Variants in YEATS2 observed in about 807,000 individuals in gnomAD.
YEATS2 encodes the protein YEATS domain containing 2, also known as YEATS domain-containing protein 2.
In YEATS2, 77 loss-of-function variants were observed where a neutral mutation model predicts 163.2. The ratio of observed to expected loss-of-function variants is 0.47; its 90% CI spans 0.39 to 0.57. The LOEUF is 0.57. Among genes scored for constraint, YEATS2 ranks in the 20% least tolerant of loss-of-function variants. The probability of loss-of-function intolerance (pLI) is 0.00; values close to 1 mark genes in which losing one functional copy is unlikely to be tolerated. For synonymous variants in YEATS2, 631 were observed against 645.1 expected, an observed-to-expected ratio of 0.98 and a Z score of 0.33; for missense variants, 1,549 against 1,729.8, an observed-to-expected ratio of 0.90 and a Z score of 1.85.
At chr3:183,744,129 T>C (rs1719268641) in intron 8 of YEATS2, among the ~76,000 whole-genome samples, 1 of 81,898 alleles carries the variant, frequency 1.2e-5, no homozygotes, top group South Asian at 4.3e-4. Flanking sequence ...TTTTTTTTTT[T>C]TGAGACAGAA....
In YEATS2 at chr3:183,756,654, C is replaced by A; in HGVS notation, c.1517C>A (p.Pro506Gln). The A allele has an allele frequency of 6.3e-7, 1 of 1,591,836 alleles. No individual in the cohort carries two copies. Among genetic ancestry groups the A allele is most frequent in the Admixed American group, 1.8e-5 (1 of 57,050 alleles). The change falls in exon 12 of 31, where the codon CCG (proline) becomes CAG (glutamine). Residue 506 changes from proline to glutamine, a missense_variant. By Grantham distance (76) the Pro-to-Gln change is moderately conservative. Transcript: ENST00000305135. Reference sequence around the variant, plus strand: ...CCTTATGTTATCATGGACAAGCAGCCGGGGCAGGTGATTGGAGCCACCACT... The same window carrying A: ...CCTTATGTTATCATGGACAAGCAGCAGGGGCAGGTGATTGGAGCCACCACT... ...NNPYVIMDKQ[P>Q]GQVIGATTPS...
chr3:183,707,130 A>G (rs1267983738), intron 1 of YEATS2, among the ~76,000 whole-genome samples: 4 of 152,214 alleles, frequency 2.6e-5, no homozygotes, highest in African/African-American at 9.6e-5. Context: ...CCAAAACAGT[A>G]TGAAATCTGA....
chr3:183,718,406 T>A (rs1716130802), intron 3 of YEATS2, 94 bp from the exon 4 acceptor site: 1 of 904,518 alleles, frequency 1.1e-6, no homozygotes, highest in Non-Finnish European at 1.6e-6. Context: ...AGCTTTTTTT[T>A]TTCACTCATT....
At position 183,746,407 on chromosome 3, in the gene YEATS2, G is replaced by A. The variant is rs151268833; in HGVS notation, c.925-1265G>A. 6.2e-3 allele frequency among the ~76,000 whole-genome samples: 937 copies of A among 152,238 alleles called. 4 individuals carry two copies. The highest frequency in any genetic ancestry group is 0.01 in the Middle Eastern group (3 of 294). On this transcript the variant is annotated intron_variant, in intron 8 of 30. Coordinates refer to ENST00000305135, the MANE Select transcript of YEATS2 (RefSeq NM_018023.5). ...GAATAAGGCTTTGTTTTATAAGAAC[G>A]CTAAAAATGTTTAATGATAGCCTTC...
intron 7 of YEATS2, among the ~76,000 whole-genome samples, chr3:183,733,856 T>TA (rs1431080889): frequency 6.6e-6 from 1 of 152,034 alleles, no homozygotes; most frequent in African/African-American, 2.4e-5. Context: ...TTTTTTTTTT[T>TA]AGGTACAAGA....
chr3:183,751,596 AG>A (rs1356149317), intron 9 of YEATS2, among the ~76,000 whole-genome samples: 1 of 152,128 alleles, frequency 6.6e-6, no homozygotes, highest in Non-Finnish European at 1.5e-5. Flanking sequence ...GAAAATGGGG[AG>A]GGTAGACAGT....
At chr3:183,734,649 G>C (rs1461374123) in intron 7 of YEATS2, among the ~76,000 whole-genome samples, 1 of 152,184 alleles carries the variant, frequency 6.6e-6, no homozygotes, top group African/African-American at 2.4e-5. Flanking sequence ...ACATGCAGGA[G>C]GTAGAAGAAG....
chr3:183,749,776 G>A (rs982316279), intron 9 of YEATS2, among the ~76,000 whole-genome samples: 7 of 151,972 alleles, frequency 4.6e-5, no homozygotes, highest in Admixed American at 3.9e-4. Context: ...GACTGTGGGC[G>A]TGTGCCACCA....
chr3:183,750,693 C>A (rs759477575), intron 9 of YEATS2, among the ~76,000 whole-genome samples: 1 of 152,124 alleles, frequency 6.6e-6, no homozygotes, highest in Non-Finnish European at 1.5e-5. Flanking sequence ...TGTTGAGGAT[C>A]CCTTCATGTG....
intron 1 of YEATS2, among the ~76,000 whole-genome samples, chr3:183,708,649 T>C (rs1221701149): frequency 6.6e-6 from 1 of 152,142 alleles, no homozygotes; most frequent in East Asian, 1.9e-4. Context: ...GAGGATCTCT[T>C]GAGGCCAGGA....
At chr3:183,786,825 G>C (rs1330508191) in intron 20 of YEATS2, among the ~76,000 whole-genome samples, 1 of 152,060 alleles carries the variant, frequency 6.6e-6, no homozygotes, top group Non-Finnish European at 1.5e-5. Flanking sequence ...ATGGGCACTT[G>C]GATTATTTTC....
intron 9 of YEATS2, among the ~76,000 whole-genome samples, chr3:183,749,813 G>T (rs937981159): frequency 6.6e-6 from 1 of 151,488 alleles, no homozygotes; most frequent in Non-Finnish European, 1.5e-5. Context: ...TTACTTACTC[G>T]TTTATTTATT....
chr3:183,769,007 G>T (rs1292672712), intron 15 of YEATS2, among the ~76,000 whole-genome samples: 2 of 152,146 alleles, frequency 1.3e-5, no homozygotes, highest in Non-Finnish European at 2.9e-5. Flanking sequence ...GTAGATGTGG[G>T]TAATAAGGGG....
At chr3:183,801,113 A>C (rs1356929626) in intron 24 of YEATS2, 1 of 190,176 alleles carries the variant, frequency 5.3e-6, no homozygotes, top group African/African-American at 2.3e-5. Context: ...CGTGAACTGT[A>C]ATAACCCTAA....
chr3:183,743,535 T>C (rs1577094706), intron 8 of YEATS2, among the ~76,000 whole-genome samples: 1 of 151,942 alleles, frequency 6.6e-6, no homozygotes, highest in South Asian at 2.1e-4. Context: ...AGATGGAGTT[T>C]TTTTTCCACT....
In YEATS2 at chr3:183,790,320, C is replaced by T. The variant is rs370853017; in HGVS notation, c.2914-477C>T. Among the ~76,000 whole-genome samples, 25 of 152,240 alleles carry T rather than the reference C, an allele frequency of 1.6e-4. 1 individual carries two copies. Among genetic ancestry groups the T allele is most frequent in the East Asian group, 5.8e-4 (3 of 5,176 alleles). On this transcript the variant is annotated intron_variant, in intron 20 of 30. Transcript: ENST00000305135. ...ATACTTAGGTGACTGTTTCCTTGGT[C>T]GCTTTTCTCTCAGAGCCTTAGCACT...
intron 2 of YEATS2, among the ~76,000 whole-genome samples, chr3:183,716,932 A>C: frequency 6.8e-6 from 1 of 146,988 alleles, no homozygotes; most frequent in South Asian, 2.1e-4. Context: ...TCGCTCTGTC[A>C]CCCGGGCTGG....
At chr3:183,757,436 G>T (rs1353232987) in intron 12 of YEATS2, among the ~76,000 whole-genome samples, 1 of 151,922 alleles carries the variant, frequency 6.6e-6, no homozygotes, top group Non-Finnish European at 1.5e-5. Flanking sequence ...AATTACAGGC[G>T]TGCACCACCA....
In YEATS2 at chr3:183,808,091, A is replaced by G; in HGVS notation, c.4073A>G (p.Asp1358Gly). The G allele has an allele frequency of 6.4e-7, 1 of 1,555,184 alleles. No individual in the cohort carries two copies. Among genetic ancestry groups the G allele is most frequent in the African/African-American group, 1.4e-5 (1 of 73,378 alleles). ...HRNVYASVVEDMILKATEQLV... is the reference protein window; with the variant it reads ...HRNVYASVVEGMILKATEQLV... ...AACGTGTATGCGTCCGTGGTGGAGGACATGATCCTGAAGGTGGGTGCCTGC... is the reference window on the plus strand; with the variant it reads ...AACGTGTATGCGTCCGTGGTGGAGGGCATGATCCTGAAGGTGGGTGCCTGC... Residue 1358 changes from aspartate to glycine, a missense_variant, in exon 29 of 31, where the codon GAC (aspartate) becomes GGC (glycine). Transcript: ENST00000305135.
Sources: allele counts gnomAD v4.1 joint callset (sites outside exome capture counted in the v4.1 genomes callset), GRCh38; gene constraint gnomAD v4.1.1; transcripts MANE v1.5; gene names NCBI Gene and HGNC (gene_info 2026-07-23, HGNC 2026-07-21).